The following MED13L variants were observed in gnomAD, a reference collection of about 807,000 sequenced individuals.
MED13L encodes the protein mediator of RNA polymerase II transcription subunit 13-like.
In MED13L, 7 loss-of-function variants were observed where a neutral mutation model predicts 220.9. That is an observed-to-expected ratio of 0.03 (90% CI 0.02 to 0.06). The LOEUF is 0.06. Among genes scored for constraint, MED13L ranks in the 10% least tolerant of loss-of-function variants. MED13L has a pLI of 1.00. For synonymous variants in MED13L, 1,011 were observed against 1,015.2 expected (o/e 1.00, Z 0.08); for missense variants, 1,965 against 2,760.5 (o/e 0.71, Z 6.46).
At chr12:116,205,721 C>T (rs1164448542) in intron 2 of MED13L, among the ~76,000 whole-genome samples, 1 of 151,958 alleles carries the variant, frequency 6.6e-6, no homozygotes, top group Non-Finnish European at 1.5e-5. Context: ...TTGAATGATT[C>T]CAATTATTTT....
At chr12:116,053,929 C>A (rs1260313812) in intron 4 of MED13L, among the ~76,000 whole-genome samples, 1 of 152,128 alleles carries the variant, frequency 6.6e-6, no homozygotes, top group African/African-American at 2.4e-5. Flanking sequence ...GTAACTTCCC[C>A]AGGGTCACAG....
intron 3 of MED13L, among the ~76,000 whole-genome samples, chr12:116,101,614 T>C (rs535464232): frequency 2.7e-3 from 415 of 152,336 alleles, no homozygotes; most frequent in African/African-American, 9.4e-3. Context: ...AGTAGATTCA[T>C]AGACACTAAA....
chr12:116,145,799 C>G (rs1877454393), intron 2 of MED13L, among the ~76,000 whole-genome samples: 1 of 151,792 alleles, frequency 6.6e-6, no homozygotes, highest in African/African-American at 2.4e-5. Context: ...AGCGCTGGAA[C>G]TAAATCTAGG....
rs754002808 is a variant in MED13L, at chr12:116,019,928, C to T, written c.670G>A (p.Ala224Thr). 1 of 1,613,780 alleles carries T rather than the reference C, an allele frequency of 6.2e-7. No individual in the cohort carries two copies. The highest frequency in any genetic ancestry group is 1.1e-5 in the South Asian group (1 of 91,078). Residue 224 changes from alanine (A) to threonine (T), a missense_variant, in exon 6 of 31, where the codon GCA (alanine) becomes ACA (threonine). Physicochemically the swap from Ala to Thr is moderately conservative, Grantham distance 58. Coordinates refer to ENST00000281928, the MANE Select transcript of MED13L (RefSeq NM_015335.5). ...YGLNGTLTGQ[A>T]YKMSDPATRK... ...GTGGCTGGGTCTGACATCTTGTATG[C>T]TTGGCCTGTTAGCGTCCCATTTAAG...
intron 1 of MED13L, among the ~76,000 whole-genome samples, chr12:116,244,863 G>T (rs949149937): frequency 4.6e-5 from 7 of 152,118 alleles, no homozygotes; most frequent in Non-Finnish European, 8.8e-5. Flanking sequence ...AAAGTGAGCG[G>T]GTCTCTTGAG....
At chr12:116,087,347 T>G (rs1360286826) in intron 4 of MED13L, among the ~76,000 whole-genome samples, 1 of 152,156 alleles carries the variant, frequency 6.6e-6, no homozygotes, top group Non-Finnish European at 1.5e-5. Flanking sequence ...ATTGTTTCCT[T>G]AAACTAATGA....
chr12:116,167,868 A>G (rs1879397717), intron 2 of MED13L, among the ~76,000 whole-genome samples: 2 of 152,208 alleles, frequency 1.3e-5, no homozygotes, highest in Admixed American at 1.3e-4. Flanking sequence ...GACTATATTT[A>G]ATACAAATCT....
At chr12:116,164,290 T>A (rs1879088971) in intron 2 of MED13L, among the ~76,000 whole-genome samples, 1 of 152,182 alleles carries the variant, frequency 6.6e-6, no homozygotes, top group African/African-American at 2.4e-5. Flanking sequence ...TAAAAATGTA[T>A]TTAAACAATC....
At chr12:116,154,391 T>A (rs1223474936) in intron 2 of MED13L, among the ~76,000 whole-genome samples, 3 of 152,166 alleles carry the variant, frequency 2.0e-5, no homozygotes, top group African/African-American at 7.2e-5. Context: ...GCACTAACAA[T>A]GAAAACATAG....
At chr12:116,151,116 A>G (rs1878004874) in intron 2 of MED13L, among the ~76,000 whole-genome samples, 1 of 152,184 alleles carries the variant, frequency 6.6e-6, no homozygotes, top group Non-Finnish European at 1.5e-5. Context: ...GAAATGAGAA[A>G]ACTACAGAGA....
At chr12:116,175,209 C>T (rs973776346) in intron 2 of MED13L, among the ~76,000 whole-genome samples, 1 of 152,106 alleles carries the variant, frequency 6.6e-6, no homozygotes, top group Non-Finnish European at 1.5e-5. Context: ...ACCTTCCCGC[C>T]AAAAGTGTTA....
At chr12:116,076,168 C>T (rs1296475591) in intron 4 of MED13L, among the ~76,000 whole-genome samples, 1 of 152,130 alleles carries the variant, frequency 6.6e-6, no homozygotes, top group Non-Finnish European at 1.5e-5. Context: ...CCGCCTCGGC[C>T]TCCCAAAGTG....
At chr12:116,075,646 T>C (rs1593014310) in intron 4 of MED13L, among the ~76,000 whole-genome samples, 1 of 152,230 alleles carries the variant, frequency 6.6e-6, no homozygotes, top group South Asian at 2.1e-4. Flanking sequence ...CTTCATGTTG[T>C]AGCTTTCGAT....
intron 1 of MED13L, among the ~76,000 whole-genome samples, chr12:116,260,793 A>G (rs1176757415): frequency 6.6e-6 from 1 of 152,214 alleles, no homozygotes; most frequent in Non-Finnish European, 1.5e-5. Flanking sequence ...CTTACCAAAA[A>G]TATCACTGAT....
Position 116,164,512 on chromosome 12 carries a change from G to C in MED13L, c.311-53000C>G, listed in dbSNP as rs576508257. On this transcript the variant is annotated intron_variant, in intron 2 of 30. Transcript: ENST00000281928. ...GAGCCTTTTCTGACTGATGTGACAT[G>C]AGCTGCTACATTTAAAACCAGACGC... is the stretch of plus-strand genomic sequence containing the variant. Among the ~76,000 whole-genome samples the C allele has an allele frequency of 5.4e-4, 83 of 152,322 alleles. 1 individual carries two copies. The highest frequency in any genetic ancestry group is 1.8e-3 in the African/African-American group (74 of 41,574).
intron 4 of MED13L, among the ~76,000 whole-genome samples, chr12:116,055,157 G>A (rs1472915632): frequency 1.3e-5 from 2 of 152,118 alleles, no homozygotes; most frequent in Non-Finnish European, 2.9e-5. Flanking sequence ...TCCCTTTGAG[G>A]GGGAAATGAC....
intron 1 of MED13L, among the ~76,000 whole-genome samples, chr12:116,243,656 C>T (rs993273195): frequency 1.3e-5 from 2 of 151,746 alleles, no homozygotes; most frequent in Admixed American, 6.6e-5. Context: ...TGCAATATGG[C>T]TCCTCAGAGT....
intron 14 of MED13L, among the ~76,000 whole-genome samples, chr12:115,999,788 A>G (rs1053186944): frequency 2.0e-5 from 3 of 152,172 alleles, no homozygotes; most frequent in Non-Finnish European, 4.4e-5. Flanking sequence ...GATCTTCCTG[A>G]ACGCACGCAT....
intron 4 of MED13L, among the ~76,000 whole-genome samples, chr12:116,090,038 C>CTCAG (rs1426005304): frequency 2.0e-5 from 3 of 152,130 alleles, no homozygotes; most frequent in Admixed American, 6.5e-5. Flanking sequence ...GGTACTTAGG[C>CTCAG]TCAGTCTATT....
Sources: gnomAD v4.1 joint callset for allele counts (sites outside exome capture counted in the v4.1 genomes callset) on GRCh38, gnomAD v4.1.1 for gene constraint, MANE v1.5 for transcripts, NCBI Gene and HGNC (gene_info 2026-07-23, HGNC 2026-07-21) for gene names.